Variants in GNL3L observed in about 807,000 individuals in gnomAD.
The protein encoded by GNL3L is guanine nucleotide-binding protein-like 3-like protein.
Under a neutral mutation model 42.9 loss-of-function variants are expected in GNL3L, and 4 were observed. The observed-to-expected ratio is 0.09, with a 90% CI of 0.05 to 0.21. The LOEUF is 0.21. Ranked by LOEUF, GNL3L falls within the 10% of genes least tolerant of loss-of-function variation. The pLI, the probability that GNL3L is intolerant of heterozygous loss-of-function variation, is 1.00. For synonymous variants in GNL3L, 159 were observed against 176.3 expected (o/e 0.90, Z 0.78); for missense variants, 412 against 481.7 (o/e 0.86, Z 1.36).
intron 16 of GNL3L, among the ~76,000 whole-genome samples, chrX:54,607,020 CTTT>C (rs1926078791): frequency 3.6e-5 from 2 of 56,192 alleles, no homozygotes; most frequent in South Asian, 1.8e-3. Context: ...TTCTTTCTTT[CTTT>C]CTTTCTTTCT....
At position 54,543,454 on chromosome X, in the gene GNL3L, G is replaced by A. The variant is rs1164700491; in HGVS notation, c.526+112G>A. 7.7e-6 allele frequency: 6 copies of A among 783,612 alleles called. No individual in the cohort carries two copies. In the East Asian group the frequency reaches 1.6e-4, roughly 21 times the overall value. 64.6% of individuals were successfully genotyped at this position (783,612 alleles called of 1,213,427 possible). ...ACTCAGTGATACTCATAATAGTCAT[G>A]CAAAGTAGAAATTTTTGTTCCGATT... is the stretch of plus-strand genomic sequence containing the variant. On this transcript the variant is annotated intron_variant, in intron 7 of 15. Transcript: ENST00000360845.
chrX:54,560,650 A>T lies in GNL3L; in HGVS notation c.*48A>T, dbSNP rs571210366. On this transcript the variant is annotated 3_prime_UTR_variant, in exon 16 of 16. Transcript: ENST00000360845. Reference sequence around the variant, plus strand: ...CGCTCCAAGCACCAGTTCCGGTGGTACGGGGGAATACCAGTGAAATAGTTT... The same window carrying T: ...CGCTCCAAGCACCAGTTCCGGTGGTTCGGGGGAATACCAGTGAAATAGTTT... 6.5e-5 allele frequency: 47 copies of T among 718,109 alleles called. No homozygotes were observed. The East Asian group carries it at 1.3e-3, about 20-fold the overall frequency. The allele number at this position is 718,109 out of a possible 1,213,427, so 59.2% of individuals were successfully genotyped here. A position where few individuals can be genotyped will look rare whatever the true frequency, so the allele number is the denominator to read the frequency against.
rs965866716 is a variant in GNL3L at position 54,562,110 on chromosome X, A to G, written c.*1508A>G. Among the ~76,000 whole-genome samples the G allele has an allele frequency of 6.3e-5, 7 of 111,859 alleles. No individual in the cohort carries two copies. Among genetic ancestry groups the G allele is most frequent in the African/African-American group, 2.3e-4 (7 of 30,741 alleles). The stretch of plus-strand genomic sequence containing the variant: ...GCCCAGGCTGGAGTGCAATGGCGTG[A>G]TCTCGGCTCACTGCAACCTCTGCCT... On this transcript the variant is annotated 3_prime_UTR_variant, in exon 16 of 16. Transcript: ENST00000360845.
intron 16 of GNL3L, among the ~76,000 whole-genome samples, chrX:54,615,821 C>T (rs1401175376): frequency 9.0e-6 from 1 of 110,656 alleles, no homozygotes; most frequent in Non-Finnish European, 1.9e-5. Context: ...TCTCCTGCCT[C>T]AGCCTCCCGA....
In GNL3L at chrX:54,557,847, G is replaced by C. The variant is rs1012190124; in HGVS notation, c.1447-589G>C. On this transcript the variant is annotated intron_variant, in intron 14 of 15. Coordinates refer to ENST00000360845, the MANE Select transcript of GNL3L (RefSeq NM_001184819.2). ...TCCTCCTGCCTTGGCCTCCCAAAGTGCTAGGATTACAGACCTAATCCTAGT... is the reference window on the plus strand; with the variant it reads ...TCCTCCTGCCTTGGCCTCCCAAAGTCCTAGGATTACAGACCTAATCCTAGT... Among the ~76,000 whole-genome samples the C allele has an allele frequency of 7.2e-5, 8 of 111,122 alleles. No individual in the cohort carries two copies. In the East Asian group the frequency reaches 2.0e-3, roughly 28 times the overall value.
chrX:54,536,823 A>C (rs763528290), intron 2 of GNL3L, among the ~76,000 whole-genome samples: 2 of 91,849 alleles, frequency 2.2e-5, no homozygotes, highest in Admixed American at 1.2e-4. Context: ...GGAGGGAGGG[A>C]GGGAGAGACG....
At chrX:54,607,080 TTC>T in intron 16 of GNL3L, among the ~76,000 whole-genome samples, 1 of 39,454 alleles carries the variant, frequency 2.5e-5, no homozygotes, top group Non-Finnish European at 4.4e-5. Flanking sequence ...TTCTCTTTCT[TTC>T]TTCTTTCTTT....
intron 2 of GNL3L, among the ~76,000 whole-genome samples, chrX:54,533,771 A>G (rs555356079): frequency 6.4e-5 from 7 of 110,156 alleles, no homozygotes; most frequent in South Asian, 3.8e-4. Flanking sequence ...CCAAATAATC[A>G]TATTTATAAG....
At chrX:54,627,573 T>C in the GNL3L span, among the ~76,000 whole-genome samples, 1 of 111,682 alleles carries the variant, frequency 9.0e-6, no homozygotes, top group Admixed American at 9.5e-5. Context: ...CTGTTTTTAC[T>C]TTTCTAGTTC....
At position 54,541,269 on chromosome X, in the gene GNL3L, T is replaced by C. The variant is rs768431889; in HGVS notation, c.190-4T>C. 12 of 1,170,308 alleles carry C rather than the reference T, an allele frequency of 1.0e-5. No homozygotes were observed. The East Asian group carries it at 3.3e-4, about 32-fold the overall frequency. ...TCCAGTACCAGTGTGTGTTCACTTG[T>C]TAGGTTGAGGAGATGAGGGAGAAGC... is the stretch of plus-strand genomic sequence containing the variant. On this transcript the variant is annotated splice_region_variant and splice_polypyrimidine_tract_variant and intron_variant, in intron 4 of 15. Coordinates refer to ENST00000360845, the MANE Select transcript of GNL3L (RefSeq NM_001184819.2).
intron 16 of GNL3L, among the ~76,000 whole-genome samples, chrX:54,598,931 G>A (rs1162960259): frequency 8.9e-6 from 1 of 111,885 alleles, no homozygotes; most frequent in Non-Finnish European, 1.9e-5. Context: ...GAAAGAGAAT[G>A]GGGCAGAATA....
intron 16 of GNL3L, among the ~76,000 whole-genome samples, chrX:54,599,156 C>T (rs1925972395): frequency 1.8e-5 from 2 of 111,836 alleles, no homozygotes; most frequent in South Asian, 7.4e-4. Context: ...ATAAAAGTTA[C>T]AGTAGACTTC....
chrX:54,603,979 A>G (rs1402850193), intron 16 of GNL3L, among the ~76,000 whole-genome samples: 3 of 111,034 alleles, frequency 2.7e-5, no homozygotes, highest in Non-Finnish European at 5.7e-5. Context: ...TCTACTAAAT[A>G]TATAAAAATT....
chrX:54,644,381 C>G, the GNL3L span, among the ~76,000 whole-genome samples: 1 of 112,166 alleles, frequency 8.9e-6, no homozygotes, highest in African/African-American at 3.2e-5. Flanking sequence ...ATGTTGTCTG[C>G]TAGTACTTTT....
At chrX:54,554,843 A>T in intron 14 of GNL3L, 151 bp downstream of exon 14, 1 of 473,915 alleles carries the variant, frequency 2.1e-6, no homozygotes, top group Non-Finnish European at 3.6e-6. Flanking sequence ...TATATCCTTT[A>T]CCAAGCAATG....
At chrX:54,579,986 GTTT>G (rs869217575) in intron 16 of GNL3L, among the ~76,000 whole-genome samples, 5 of 47,704 alleles carry the variant, frequency 1.0e-4, no homozygotes, top group Non-Finnish European at 1.8e-4. Flanking sequence ...CCTAAAGTTT[GTTT>G]TTTTTTTTTT....
chrX:54,578,923 C>T (rs756361539), intron 16 of GNL3L, among the ~76,000 whole-genome samples: 226 of 111,987 alleles, frequency 2.0e-3, no homozygotes, highest in African/African-American at 6.6e-3. Context: ...TTTAATAGTT[C>T]TGTAATAGTA....
downstream of GNL3L, among the ~76,000 whole-genome samples, chrX:54,569,293 T>C (rs1925512216): frequency 8.9e-6 from 1 of 111,952 alleles, no homozygotes; most frequent in Admixed American, 9.6e-5. Context: ...ATTGGTATCA[T>C]TTCTTAAATT....
intron 15 of GNL3L, among the ~76,000 whole-genome samples, chrX:54,559,031 G>A (rs1333779854): frequency 8.9e-6 from 1 of 112,000 alleles, no homozygotes; most frequent in African/African-American, 3.2e-5. Context: ...TTGGGGGCAG[G>A]GATGAGCTAG....
Sources: gnomAD v4.1 joint callset for allele counts (sites outside exome capture counted in the v4.1 genomes callset) on GRCh38, gnomAD v4.1.1 for gene constraint, MANE v1.5 for transcripts, NCBI Gene and HGNC (gene_info 2026-07-23, HGNC 2026-07-21) for gene names.